The following ANK2 variants were observed in gnomAD, a reference collection of about 807,000 sequenced individuals.
The protein encoded by ANK2 is ankyrin 2, also known as ankyrin-2.
In ANK2, 83 loss-of-function variants were observed where a neutral mutation model predicts 360.5. The observed-to-expected ratio is 0.23, with a 90% CI of 0.19 to 0.28. ANK2 has a LOEUF of 0.28. Ranked by LOEUF, ANK2 falls within the 10% of genes least tolerant of loss-of-function variation. The pLI is 1.00. For synonymous variants in ANK2, 1,740 were observed against 1,759.5 expected, an observed-to-expected ratio of 0.99 and a Z score of 0.28; for missense variants, 4,201 against 4,795.7, an observed-to-expected ratio of 0.88 and a Z score of 3.66.
intron 25 of ANK2, 145 bp from the exon 26 acceptor site, chr4:113,318,372 A>G: frequency 3.0e-6 from 2 of 671,358 alleles, no homozygotes; most frequent in Non-Finnish European, 5.3e-6. Context: ...TAAAAGATTC[A>G]TTGTAAATAC....
At chr4:113,239,336 T>C (rs2099407205) in intron 7 of ANK2, among the ~76,000 whole-genome samples, 2 of 152,102 alleles carry the variant, frequency 1.3e-5, no homozygotes, top group Non-Finnish European at 2.9e-5. Flanking sequence ...ATTTAGGGTG[T>C]TTTTAAAACA....
At chr4:113,039,273 A>G (rs540151953) in intron 2 of ANK2, among the ~76,000 whole-genome samples, 3 of 152,032 alleles carry the variant, frequency 2.0e-5, no homozygotes, top group Admixed American at 2.0e-4. Flanking sequence ...TTATGTTCGT[A>G]TTATCTTTGG....
At chr4:112,772,471 T>C in the ANK2 span, among the ~76,000 whole-genome samples, 2 of 152,054 alleles carry the variant, frequency 1.3e-5, no homozygotes, top group African/African-American at 4.8e-5. Context: ...ATCAGTGCCT[T>C]ATTTTGGAGT....
chr4:113,328,006 T>C (rs1024810386), intron 26 of ANK2, among the ~76,000 whole-genome samples: 2 of 152,192 alleles, frequency 1.3e-5, no homozygotes, highest in Non-Finnish European at 2.9e-5. Context: ...CAATTCACTC[T>C]TTAGAGAATG....
chr4:113,002,968 AT>A (rs1348099370), intron 2 of ANK2, among the ~76,000 whole-genome samples: 1 of 152,178 alleles, frequency 6.6e-6, no homozygotes, highest in East Asian at 1.9e-4. Flanking sequence ...GGAGACACTT[AT>A]TCATCCTTCA....
the ANK2 span, among the ~76,000 whole-genome samples, chr4:112,762,095 A>G: frequency 6.6e-6 from 1 of 152,244 alleles, no homozygotes; most frequent in Non-Finnish European, 1.5e-5. Context: ...ACCAAGGTGC[A>G]GAGAGTTCCA....
chr4:112,954,336 C>T (rs1429827429), intron 2 of ANK2, among the ~76,000 whole-genome samples: 2 of 151,600 alleles, frequency 1.3e-5, no homozygotes, highest in Non-Finnish European at 2.9e-5. Flanking sequence ...GGGCAAAAAG[C>T]TCTTTCATTA....
At chr4:112,817,926 AAAC>A (rs908468508), upstream of ANK2, among the ~76,000 whole-genome samples, 3 of 152,220 alleles carry the variant, frequency 2.0e-5, no homozygotes, top group African/African-American at 7.2e-5. Flanking sequence ...TTTTGTGAGA[AAAC>A]AACAGTTCCT....
chr4:113,347,436 T>C (rs891243618), intron 35 of ANK2, among the ~76,000 whole-genome samples: 3 of 152,142 alleles, frequency 2.0e-5, no homozygotes, highest in African/African-American at 4.8e-5. Context: ...CAAAGAAATA[T>C]GTACTGCTGC....
chr4:112,957,548 T>C (rs1010167155), intron 2 of ANK2, among the ~76,000 whole-genome samples: 1 of 151,094 alleles, frequency 6.6e-6, no homozygotes. Flanking sequence ...CCAGACGGGG[T>C]GGTGGCCGGG....
At chr4:112,979,216 G>A (rs1488589029) in intron 2 of ANK2, among the ~76,000 whole-genome samples, 1 of 152,184 alleles carries the variant, frequency 6.6e-6, no homozygotes, top group Non-Finnish European at 1.5e-5. Context: ...GTGAGTGAGT[G>A]TGGGGTCCGA....
intron 1 of ANK2, among the ~76,000 whole-genome samples, chr4:113,136,092 A>C (rs1040636394): frequency 1.3e-5 from 2 of 152,214 alleles, no homozygotes; most frequent in African/African-American, 4.8e-5. Context: ...ATGTGAAGGA[A>C]GTTTTTTTTA....
upstream of ANK2, among the ~76,000 whole-genome samples, chr4:113,045,897 A>G (rs1420119832): frequency 6.6e-6 from 1 of 152,218 alleles, no homozygotes; most frequent in Non-Finnish European, 1.5e-5. Context: ...AAAAACTCAT[A>G]GTAAGTACTG....
Position 113,354,768 on chromosome 4 carries a change from C to T in ANK2, c.6150C>T (p.Ile2050=). Reference sequence around the variant, plus strand: ...CTCAGAAAACAGAGAATCAGACAATCAAACGAGGCCAGAGACTCCCGGTAA... The same window carrying T: ...CTCAGAAAACAGAGAATCAGACAATTAAACGAGGCCAGAGACTCCCGGTAA... ...REAQKTENQT[I]KRGQRLPVTG... Residue 2050 remains isoleucine (I), a synonymous_variant, in exon 38 of 46, where the codon ATC becomes ATT. Transcript: ENST00000357077. The T allele has an allele frequency of 6.2e-7, 1 of 1,613,864 alleles. No individual in the cohort carries two copies. The highest frequency in any genetic ancestry group is 8.5e-7 in the Non-Finnish European group (1 of 1,179,918).
At chr4:113,241,431 G>A (rs1219049421) in intron 8 of ANK2, among the ~76,000 whole-genome samples, 2 of 152,148 alleles carry the variant, frequency 1.3e-5, no homozygotes, top group Non-Finnish European at 2.9e-5. Context: ...CTGAACTCAT[G>A]GGCTCAAGCA....
chr4:113,207,109 A>ACG (rs2098960536), intron 4 of ANK2, among the ~76,000 whole-genome samples: 1 of 147,330 alleles, frequency 6.8e-6, no homozygotes, highest in African/African-American at 2.5e-5. Flanking sequence ...AAGCGTGCAC[A>ACG]CGCACACACA....
At chr4:112,970,656 T>A (rs1314220994) in intron 2 of ANK2, among the ~76,000 whole-genome samples, 1 of 152,252 alleles carries the variant, frequency 6.6e-6, no homozygotes, top group Non-Finnish European at 1.5e-5. Context: ...CAGGGCAGCT[T>A]ATAACTATAT....
the ANK2 span, among the ~76,000 whole-genome samples, chr4:112,749,808 C>T: frequency 5.9e-5 from 9 of 152,074 alleles, no homozygotes; most frequent in African/African-American, 1.7e-4. Flanking sequence ...TGCAGTGGCG[C>T]GATCTTGGCT....
chr4:113,042,305 C>T (rs1231583358), intron 2 of ANK2, among the ~76,000 whole-genome samples: 2 of 152,148 alleles, frequency 1.3e-5, no homozygotes, highest in Admixed American at 1.3e-4. Flanking sequence ...GAGTCTCAGG[C>T]CTTTGGCCTC....
Sources: allele counts gnomAD v4.1 joint callset (sites outside exome capture counted in the v4.1 genomes callset), GRCh38; gene constraint gnomAD v4.1.1; transcripts MANE v1.5; gene names NCBI Gene and HGNC (gene_info 2026-07-23, HGNC 2026-07-21).